Variants in VPS13B observed in about 807,000 individuals in gnomAD.
VPS13B encodes vacuolar protein sorting 13 homolog B, also known as intermembrane lipid transfer protein VPS13B.
Under a neutral mutation model 426.4 loss-of-function variants are expected in VPS13B, and 285 were observed. The observed-to-expected ratio is 0.67, with a 90% CI of 0.61 to 0.74. The LOEUF is 0.74. Ranked by LOEUF, VPS13B falls within the 30% of genes least tolerant of loss-of-function variation. The pLI is 0.00. For missense variants in VPS13B, 4,537 were observed against 4,782.6 expected, an observed-to-expected ratio of 0.95 and a Z score of 1.51; for synonymous variants, 1,676 against 1,676.4, an observed-to-expected ratio of 1.00 and a Z score of 0.01.
At chr8:99,099,104 C>A (rs1846593231) in intron 4 of VPS13B, among the ~76,000 whole-genome samples, 1 of 152,012 alleles carries the variant, frequency 6.6e-6, no homozygotes, top group Non-Finnish European at 1.5e-5. Context: ...TTAGCTCCTA[C>A]AGTAATTGCC....
intron 2 of VPS13B, among the ~76,000 whole-genome samples, chr8:99,030,612 C>T (rs1452217881): frequency 6.6e-6 from 1 of 152,028 alleles, no homozygotes; most frequent in Admixed American, 6.6e-5. Flanking sequence ...TGAATGATCA[C>T]GTTACTATAA....
At chr8:99,443,983 A>G (rs960121414) in intron 23 of VPS13B, among the ~76,000 whole-genome samples, 5 of 150,488 alleles carry the variant, frequency 3.3e-5, no homozygotes, top group African/African-American at 1.2e-4. Flanking sequence ...ATTTGTTATT[A>G]TCCGCTTTGT....
chr8:99,598,741 C>T (rs984415701), intron 33 of VPS13B, among the ~76,000 whole-genome samples: 1 of 151,764 alleles, frequency 6.6e-6, no homozygotes, highest in Admixed American at 6.6e-5. Context: ...TCTCCCCTTC[C>T]TCCTCCTCCT....
intron 3 of VPS13B, among the ~76,000 whole-genome samples, chr8:99,044,114 T>G (rs1348487185): frequency 1.5e-5 from 2 of 137,150 alleles, no homozygotes; most frequent in Non-Finnish European, 3.1e-5. Context: ...AGACGGAGTC[T>G]GCTCTGTTGC....
At chr8:99,464,554 A>G (rs1819010364) in intron 23 of VPS13B, among the ~76,000 whole-genome samples, 1 of 152,164 alleles carries the variant, frequency 6.6e-6, no homozygotes. Context: ...TATCTATATT[A>G]TTAAAATTAT....
intron 35 of VPS13B, among the ~76,000 whole-genome samples, chr8:99,695,265 A>T (rs1404217296): frequency 1.4e-5 from 2 of 147,778 alleles, no homozygotes; most frequent in African/African-American, 4.9e-5. Flanking sequence ...TTATTGCGGC[A>T]TTATTCACAA....
intron 13 of VPS13B, among the ~76,000 whole-genome samples, chr8:99,144,354 T>C (rs1483011457): frequency 6.6e-6 from 1 of 151,546 alleles, no homozygotes; most frequent in Non-Finnish European, 1.5e-5. Flanking sequence ...AAAAAATTAG[T>C]TGGGTGTGGT....
At chr8:99,857,643 C>T (rs576655502) in intron 56 of VPS13B, among the ~76,000 whole-genome samples, 2 of 152,310 alleles carry the variant, frequency 1.3e-5, no homozygotes, top group South Asian at 4.1e-4. Flanking sequence ...GGCTTAGTCT[C>T]CAAGCCTCAG....
chr8:99,279,495 C>T (rs942626850), intron 19 of VPS13B, among the ~76,000 whole-genome samples: 12 of 113,136 alleles, frequency 1.1e-4, no homozygotes, highest in African/African-American at 3.8e-4. Flanking sequence ...CCTGGCCTCA[C>T]GTAATCCACC....
chr8:99,058,260 T>C (rs890610370), intron 3 of VPS13B, among the ~76,000 whole-genome samples: 1 of 151,966 alleles, frequency 6.6e-6, no homozygotes, highest in Non-Finnish European at 1.5e-5. Flanking sequence ...CTGTCTTCTC[T>C]TAAGTCAGAT....
intron 19 of VPS13B, among the ~76,000 whole-genome samples, chr8:99,313,658 A>G (rs1165520297): frequency 3.3e-5 from 5 of 152,060 alleles, no homozygotes; most frequent in East Asian, 1.9e-4. Context: ...TCAGATTTCA[A>G]ACTCTGTGCT....
chr8:99,378,666 GGGTCCCTGACTTCCCGCAAC>G (rs1813629978), intron 19 of VPS13B, among the ~76,000 whole-genome samples: 1 of 152,136 alleles, frequency 6.6e-6, no homozygotes, highest in South Asian at 2.1e-4. Flanking sequence ...CTTCCATTTG[GGGTCCCTGACTTCCCGCAAC>G]AATACATAGC....
chr8:99,583,519 G>T (rs756888741), intron 33 of VPS13B, among the ~76,000 whole-genome samples: 1 of 152,118 alleles, frequency 6.6e-6, no homozygotes, highest in Non-Finnish European at 1.5e-5. Flanking sequence ...GAGGTTGTTT[G>T]GGGTGGTATT....
chr8:99,442,565 T>G lies in VPS13B; in HGVS notation c.3375T>G (p.Ser1125Arg). Residue 1125 changes from serine to arginine, a missense_variant, in exon 23 of 62, where the codon AGT (serine) becomes AGG (arginine). Around this residue, in one of 2 missense-constraint regions of VPS13B, gnomAD observed 4,311 missense variants for 4,474.3 expected, o/e 0.96. Transcript: ENST00000357162. ...GTTTGCCTCAAATAAAGATTATTAG[T>G]GCTGGGCACAAGTATATGGAACCTC... Reference protein sequence around the residue: ...VLCLPQIKIISAGHKYMEPLQ... With the variant: ...VLCLPQIKIIRAGHKYMEPLQ... 6.2e-7 allele frequency: 1 copy of G among 1,613,980 alleles called. No individual in the cohort carries two copies. The highest frequency in any genetic ancestry group is 8.5e-7 in the Non-Finnish European group (1 of 1,179,896).
intron 12 of VPS13B, among the ~76,000 whole-genome samples, chr8:99,140,091 G>A (rs1448816418): frequency 6.6e-6 from 1 of 152,148 alleles, no homozygotes; most frequent in African/African-American, 2.4e-5. Flanking sequence ...ACTAGGCTGA[G>A]CGTGGTGGCT....
chr8:99,407,700 G>C (rs1182067563), intron 21 of VPS13B, among the ~76,000 whole-genome samples: 1 of 151,052 alleles, frequency 6.6e-6, no homozygotes, highest in African/African-American at 2.4e-5. Context: ...TTAAGTTCTA[G>C]GGTACATGTG....
chr8:99,314,026 A>G (rs1252240969), intron 19 of VPS13B, among the ~76,000 whole-genome samples: 1 of 152,124 alleles, frequency 6.6e-6, no homozygotes, highest in East Asian at 1.9e-4. Context: ...AAAGTGTAGT[A>G]GTAGGGTGGG....
chr8:99,709,629 T>A (rs1023865550), intron 36 of VPS13B, among the ~76,000 whole-genome samples: 1 of 152,200 alleles, frequency 6.6e-6, no homozygotes, highest in African/African-American at 2.4e-5. Flanking sequence ...ATTTAAAAGA[T>A]AAACAGATTT....
rs911130770 is a variant in VPS13B at position 99,821,143 on chromosome 8, C to G, written c.8995-151C>G. On this transcript the variant is annotated intron_variant, in intron 49 of 61. Transcript: ENST00000357162. ...ACACACACACACACACACACACACA[C>G]ACACACACACACACACACACACACC... 6 of 604,844 alleles carry G rather than the reference C, an allele frequency of 9.9e-6. No individual in the cohort carries two copies. In the African/African-American group the frequency reaches 1.1e-4, roughly 12 times the overall value. The allele number at this position is 604,844 out of a possible 1,614,324, so 37.5% of individuals were successfully genotyped here.
Sources: allele counts gnomAD v4.1 joint callset (sites outside exome capture counted in the v4.1 genomes callset), GRCh38; gene constraint gnomAD v4.1.1; regional missense constraint gnomAD v4.1.1; transcripts MANE v1.5; gene names NCBI Gene and HGNC (gene_info 2026-07-23, HGNC 2026-07-21).